TICAM1: variants seen among roughly 807,000 people sequenced by gnomAD.
TICAM1 encodes TIR domain containing adaptor molecule 1, also known as TIR domain-containing adapter molecule 1.
For missense variants in TICAM1, 895 were observed against 938.2 expected (o/e 0.95, Z 0.60); for synonymous variants, 439 against 415.4 (o/e 1.06, Z -0.69).
rs1204752747 is a variant in TICAM1, at chr19:4,817,771, G to A, written c.607C>T (p.Leu203=). ...SLRSTGSPAS[L]ASNLEISQSP... ...TGGCTGATTTCCAAGTTGCTGGCCA[G>A]GGAGGCAGGGCTGCCAGTGGATCGC... Residue 203 remains leucine, a synonymous_variant, in exon 2 of 2, where the codon CTG becomes TTG. Transcript: ENST00000248244. This position sits in a 1 kb window ranked among gnomAD's most constrained non-coding sequence, Gnocchi z 4.7. 29 of 1,602,378 alleles carry A rather than the reference G, an allele frequency of 1.8e-5. No individual in the cohort carries two copies. The highest frequency in any genetic ancestry group is 2.3e-5 in the Non-Finnish European group (27 of 1,177,274).
At chr19:4,829,641 GTC>G in intron 1 of TICAM1, among the ~76,000 whole-genome samples, 1 of 152,104 alleles carries the variant, frequency 6.6e-6, no homozygotes, top group East Asian at 1.9e-4. Flanking sequence ...ATGAATGGGA[GTC>G]TGTTTTGAAG....
Position 4,818,475 on chromosome 19 carries a change from C to A in TICAM1, c.-98G>T, listed in dbSNP as rs10415014. 0.13 allele frequency: 190,303 copies of A among 1,454,542 alleles called. 13,632 individuals are homozygous for A. The highest frequency in any genetic ancestry group is 0.15 in the Non-Finnish European group (163,277 of 1,101,966). 90.1% of individuals were successfully genotyped at this position (1,454,542 alleles called of 1,614,324 possible). On this transcript the variant is annotated 5_prime_UTR_variant, in exon 2 of 2. Coordinates refer to ENST00000248244, the MANE Select transcript of TICAM1 (RefSeq NM_182919.4). This position sits in a 1 kb window ranked among gnomAD's most constrained non-coding sequence, Gnocchi z 4.0. Reference sequence around the variant, plus strand: ...CTTCTGCACGCCCAGTGTCCCCTACCCATTCACTGTTCCAGGTTCTGCAGG... The same window carrying A: ...CTTCTGCACGCCCAGTGTCCCCTACACATTCACTGTTCCAGGTTCTGCAGG...
Position 4,818,086 on chromosome 19 carries a change from G to C in TICAM1, c.292C>G (p.Arg98Gly), listed in dbSNP as rs369953609. The change falls in exon 2 of 2, where the codon CGC (arginine) becomes GGC (glycine). Residue 98 changes from arginine (R) to glycine (G), a missense_variant. By Grantham distance (125) the Arg-to-Gly change is moderately radical. Coordinates refer to ENST00000248244, the MANE Select transcript of TICAM1 (RefSeq NM_182919.4). The surrounding 1 kb of genome is among the most constrained non-coding windows in gnomAD (Gnocchi z 4.0). ...TCCTCAGCCAGCAGGTGGTACAAGCGGGCCACAGCCCAGGACACATCTGGG... is the reference window on the plus strand; with the variant it reads ...TCCTCAGCCAGCAGGTGGTACAAGCCGGCCACAGCCCAGGACACATCTGGG... ...EPPDVSWAVA[R>G]LYHLLAEEKL... The C allele has an allele frequency of 3.1e-6, 5 of 1,607,536 alleles. No homozygotes were observed. The East Asian group carries it at 1.1e-4, about 36-fold the overall frequency.
chr19:4,829,583 C>T (rs1457582578), intron 1 of TICAM1, among the ~76,000 whole-genome samples: 2 of 152,070 alleles, frequency 1.3e-5, no homozygotes, highest in Admixed American at 1.3e-4. Context: ...GTCTGTTTCT[C>T]AGCCTCAGCT....
At position 4,817,151 on chromosome 19, in the gene TICAM1, G is replaced by T. The variant is rs765090691; in HGVS notation, c.1227C>A (p.Ala409=). The T allele has an allele frequency of 4.3e-5, 70 of 1,614,090 alleles. 2 individuals are homozygous for T. In the South Asian group the frequency reaches 7.7e-4, roughly 18 times the overall value. The change falls in exon 2 of 2, where the codon GCC becomes GCA. Residue 409 remains alanine (A), a synonymous_variant. Transcript: ENST00000248244. This position sits in a 1 kb window ranked among gnomAD's most constrained non-coding sequence, Gnocchi z 4.7. ...ILHARADEHI[A]LRVREKLEAL... ...CCTCCAGCTTCTCCCGAACCCGCAG[G>T]GCGATGTGTTCGTCTGCCCTGGCGT... is the stretch of plus-strand genomic sequence containing the variant.
chr19:4,816,593 C>A lies in TICAM1; in HGVS notation c.1785G>T (p.Met595Ile). The A allele has an allele frequency of 6.2e-7, 1 of 1,613,760 alleles. No individual in the cohort carries two copies. The highest frequency in any genetic ancestry group is 2.2e-5 in the East Asian group (1 of 44,878). ...CATAGGGCGCCCCAGTCCCAAATGACATGTGGCTCCCAAAAGCCACCTGGA... is the reference window on the plus strand; with the variant it reads ...CATAGGGCGCCCCAGTCCCAAATGAAATGTGGCTCCCAAAAGCCACCTGGA... ...EQLQVAFGSH[M>I]SFGTGAPYGA... is the part of the protein sequence containing the mutation. Residue 595 changes from methionine to isoleucine, a missense_variant, in exon 2 of 2, where the codon ATG becomes ATT. Transcript: ENST00000248244. This position sits in a 1 kb window ranked among gnomAD's most constrained non-coding sequence, Gnocchi z 4.3.
rs2093590527 is a variant in TICAM1, at chr19:4,818,019, T to C, written c.359A>G (p.Glu120Gly). The C allele has an allele frequency of 1.2e-6, 2 of 1,611,302 alleles. No individual in the cohort carries two copies. Among genetic ancestry groups the C allele is most frequent in the Non-Finnish European group, 1.7e-6 (2 of 1,179,948 alleles). Residue 120 changes from glutamate to glycine, a missense_variant, in exon 2 of 2, where the codon GAA becomes GGA. Transcript: ENST00000248244. The surrounding 1 kb of genome is among the most constrained non-coding windows in gnomAD (Gnocchi z 4.0). The part of the protein sequence containing the change: ...PASLRDVAYQ[E>G]AVRTLSSRDD... ...CCTGGAGCTGAGGGTGCGGACGGCT[T>C]CCTGGTAGGCCACGTCCCGCAGCGA...
rs774636609 is a variant in TICAM1, at chr19:4,816,295, T to C, written c.2083A>G (p.Met695Val). The C allele has an allele frequency of 6.6e-7, 1 of 1,523,060 alleles. No homozygotes were observed. The highest frequency in any genetic ancestry group is 2.2e-5 in the Admixed American group (1 of 45,042). The allele number at this position is 1,523,060 out of a possible 1,614,324, so 94.3% of individuals were successfully genotyped here. Residue 695 changes from methionine to valine, a missense_variant, in exon 2 of 2, where the codon ATG becomes GTG. Coordinates refer to ENST00000248244, the MANE Select transcript of TICAM1 (RefSeq NM_182919.4). This position sits in a 1 kb window ranked among gnomAD's most constrained non-coding sequence, Gnocchi z 4.3. Reference sequence around the variant, plus strand: ...GCCTGGGACCCTCTCTGGTTCCACATGTGGTTGTTCAGCCCCAGCTGTACC... The same window carrying C: ...GCCTGGGACCCTCTCTGGTTCCACACGTGGTTGTTCAGCCCCAGCTGTACC... ...QMVQLGLNNH[M>V]WNQRGSQAPE...
chr19:4,822,737 A>AT (rs1298927060), intron 1 of TICAM1, among the ~76,000 whole-genome samples: 5 of 152,062 alleles, frequency 3.3e-5, no homozygotes, highest in Non-Finnish European at 5.9e-5. Context: ...CAGGCATGTG[A>AT]TTTTTTTTAT....
At chr19:4,822,787 C>G (rs1599145883) in intron 1 of TICAM1, among the ~76,000 whole-genome samples, 1 of 152,150 alleles carries the variant, frequency 6.6e-6, no homozygotes, top group Non-Finnish European at 1.5e-5. Context: ...CAAGATCACA[C>G]AGCTAGTGAC....
chr19:4,830,070 G>A (rs113308996), intron 1 of TICAM1, among the ~76,000 whole-genome samples: 24,330 of 136,750 alleles, frequency 0.18, 2,148 homozygotes, highest in East Asian at 0.31. Flanking sequence ...GATTACAGGC[G>A]TGAGCCACCT....
chr19:4,821,844 A>G (rs1239088704), intron 1 of TICAM1, among the ~76,000 whole-genome samples: 26 of 145,486 alleles, frequency 1.8e-4, no homozygotes, highest in Middle Eastern at 4.1e-3. Context: ...GGGTTTCTCC[A>G]TGTTGGTCAG....
At chr19:4,823,901 G>C (rs1037331050) in intron 1 of TICAM1, among the ~76,000 whole-genome samples, 22 of 152,252 alleles carry the variant, frequency 1.4e-4, no homozygotes, top group African/African-American at 4.1e-4. Flanking sequence ...TTGCAGTCTA[G>C]ATCAGCCTCA....
chr19:4,828,137 C>T (rs1488434438), intron 1 of TICAM1, among the ~76,000 whole-genome samples: 6 of 151,776 alleles, frequency 4.0e-5, no homozygotes, highest in African/African-American at 1.5e-4. Flanking sequence ...TTTTTTGAGA[C>T]GGAGTCTCGG....
chr19:4,818,191 C>G lies in TICAM1; in HGVS notation c.187G>C (p.Ala63Pro). 6.2e-7 allele frequency: 1 copy of G among 1,612,198 alleles called. No individual in the cohort carries two copies. Among genetic ancestry groups the G allele is most frequent in the Non-Finnish European group, 8.5e-7 (1 of 1,179,862 alleles). ...QETEARISLE[A>P]LKADAVARLV... ...CGGGCCACCGCATCGGCCTTCAATG[C>G]CTCTAGAGAGATCCTGGCCTCAGTT... The change falls in exon 2 of 2, where the codon GCA (alanine) becomes CCA (proline). Residue 63 changes from alanine to proline, a missense_variant. Coordinates refer to ENST00000248244, the MANE Select transcript of TICAM1 (RefSeq NM_182919.4). This position sits in a 1 kb window ranked among gnomAD's most constrained non-coding sequence, Gnocchi z 4.0.
chr19:4,816,766 C>A lies in TICAM1; in HGVS notation c.1612G>T (p.Ala538Ser). The A allele has an allele frequency of 6.2e-7, 1 of 1,613,634 alleles. No homozygotes were observed. The highest frequency in any genetic ancestry group is 8.5e-7 in the Non-Finnish European group (1 of 1,180,026). The change falls in exon 2 of 2, where the codon GCC (alanine) becomes TCC (serine). Residue 538 changes from alanine (A) to serine (S), a missense_variant. Physicochemically the swap from Ala to Ser is moderately conservative, Grantham distance 99. Transcript: ENST00000248244. The surrounding 1 kb of genome is among the most constrained non-coding windows in gnomAD (Gnocchi z 4.3). The part of the protein sequence containing the change: ...FKPHRLQARK[A>S]MWRKEQDTRA... ...GTGTCCTGTTCCTTCCTCCACATGG[C>A]CTTTCGGGCCTGAAGCCTGTGGGGC...
At chr19:4,824,012 A>AT (rs61442523) in intron 1 of TICAM1, among the ~76,000 whole-genome samples, 2 of 147,850 alleles carry the variant, frequency 1.4e-5, no homozygotes, top group Non-Finnish European at 3.0e-5. Context: ...CTGAATTTTA[A>AT]TTTTTTTTTT....
Position 4,816,613 on chromosome 19 carries a change from C to T in TICAM1, c.1765G>A (p.Val589Met). The change falls in exon 2 of 2, where the codon GTG becomes ATG. Residue 589 changes from valine to methionine, a missense_variant. Physicochemically the swap from Val to Met is conservative, Grantham distance 21. Coordinates refer to ENST00000248244, the MANE Select transcript of TICAM1 (RefSeq NM_182919.4). This position sits in a 1 kb window ranked among gnomAD's most constrained non-coding sequence, Gnocchi z 4.3. ...AATGACATGTGGCTCCCAAAAGCCA[C>T]CTGGAGCTGCTCCATCTGTGCCTGG... ...SYQAQMEQLQVAFGSHMSFGT... is the reference protein window; with the variant it reads ...SYQAQMEQLQMAFGSHMSFGT... 6.2e-7 allele frequency: 1 copy of T among 1,613,974 alleles called. No homozygotes were observed. The highest frequency in any genetic ancestry group is 8.5e-7 in the Non-Finnish European group (1 of 1,180,028).
In TICAM1 at chr19:4,817,478, G is replaced by GTAGT. The variant is rs2093588748; in HGVS notation, c.896_899dup (p.Tyr300Ter). Reference sequence around the variant, plus strand: ...CAGACCCCTCGGTGCACTCCACTGGGTAGTTGGTGCTGGTTTCTGGAGCTG... The same window carrying GTAGT: ...CAGACCCCTCGGTGCACTCCACTGGGTAGTTAGTTGGTGCTGGTTTCTGGAGCTG... On this transcript the variant is annotated stop_gained and frameshift_variant, in exon 2 of 2. Transcript: ENST00000248244. LOFTEE classifies it low-confidence loss of function (END_TRUNC). The surrounding 1 kb of genome is among the most constrained non-coding windows in gnomAD (Gnocchi z 4.7). 6.2e-7 allele frequency: 1 copy of GTAGT among 1,613,996 alleles called. No homozygotes were observed. Among genetic ancestry groups the GTAGT allele is most frequent in the African/African-American group, 1.3e-5 (1 of 74,926 alleles).
Sources: gnomAD v4.1 joint callset for allele counts (sites outside exome capture counted in the v4.1 genomes callset) on GRCh38, gnomAD v4.1.1 for gene constraint, Gnocchi (gnomAD v3.1) non-coding constraint, MANE v1.5 for transcripts, NCBI Gene and HGNC (gene_info 2026-07-23, HGNC 2026-07-21) for gene names.